Variants in STXBP6 observed in about 807,000 individuals in gnomAD.
STXBP6 encodes the protein syntaxin-binding protein 6.
Under a neutral mutation model 26.9 loss-of-function variants are expected in STXBP6, and 21 were observed. That is an observed-to-expected ratio of 0.78 (90% CI 0.55 to 1.12). STXBP6 has a LOEUF of 1.12. Ranked by LOEUF, STXBP6 falls within the 50% of genes most tolerant of loss-of-function variation. STXBP6 has a pLI of 0.00. For missense variants in STXBP6, 232 were observed against 257.9 expected (o/e 0.90, Z 0.69); for synonymous variants, 97 against 92.6 (o/e 1.05, Z -0.27).
At chr14:24,980,858 G>GA (rs909008024) in intron 1 of STXBP6, among the ~76,000 whole-genome samples, 9 of 151,790 alleles carry the variant, frequency 5.9e-5, no homozygotes, top group African/African-American at 9.7e-5. Flanking sequence ...TTGAAGATAG[G>GA]AAAAAAAATA....
intron 2 of STXBP6, among the ~76,000 whole-genome samples, chr14:24,945,682 T>G (rs1359330144): frequency 6.6e-6 from 1 of 152,198 alleles, no homozygotes; most frequent in Admixed American, 6.5e-5. Context: ...TTGAAGGAAT[T>G]TCCTGTGTTG....
intron 4 of STXBP6, among the ~76,000 whole-genome samples, chr14:24,820,941 A>C (rs1313123340): frequency 6.6e-6 from 1 of 152,234 alleles, no homozygotes; most frequent in African/African-American, 2.4e-5. Context: ...GCAGACTAGC[A>C]TACAGATAGG....
chr14:24,944,515 C>A (rs535354806), intron 2 of STXBP6, among the ~76,000 whole-genome samples: 4 of 152,054 alleles, frequency 2.6e-5, no homozygotes, highest in Non-Finnish European at 5.9e-5. Context: ...AGTGAAAATG[C>A]GACTGCCTCA....
intron 2 of STXBP6, among the ~76,000 whole-genome samples, chr14:24,931,131 AAAAAAAAAAAAC>A (rs1177376070): frequency 2.2e-5 from 3 of 139,266 alleles, no homozygotes; most frequent in African/African-American, 5.5e-5. Flanking sequence ...AAAAAAAAAA[AAAAAAAAAAAAC>A]CCAAACACCA....
intron 4 of STXBP6, among the ~76,000 whole-genome samples, chr14:24,827,240 T>C (rs935584701): frequency 1.3e-5 from 2 of 152,168 alleles, no homozygotes; most frequent in African/African-American, 4.8e-5. Flanking sequence ...AAAGTACTTA[T>C]TTTTCATATG....
chr14:24,983,592 C>T lies in STXBP6; in HGVS notation c.-32-8742G>A, dbSNP rs184517297. ...TGCATAGTAGGTCAGTTGTTTTCCC[C>T]TTAGAGGAGGGTATGATTGATAACA... is the stretch of plus-strand genomic sequence containing the variant. On this transcript the variant is annotated intron_variant, in intron 1 of 5. Coordinates refer to ENST00000323944, the MANE Select transcript of STXBP6 (RefSeq NM_001394410.1). 2.6e-4 allele frequency among the ~76,000 whole-genome samples: 40 copies of T among 152,164 alleles called. 2 individuals are homozygous for T. In the East Asian group the frequency reaches 7.2e-3, roughly 27 times the overall value.
chr14:24,937,215 CACCATGGCACATGTAT>C (rs2072632467), intron 2 of STXBP6, among the ~76,000 whole-genome samples: 1 of 152,168 alleles, frequency 6.6e-6, no homozygotes, highest in Admixed American at 6.5e-5. Context: ...TGCAGCAAAC[CACCATGGCACATGTAT>C]ACCCATGTAA....
At chr14:24,893,208 A>C (rs1274738773) in intron 2 of STXBP6, among the ~76,000 whole-genome samples, 1 of 152,244 alleles carries the variant, frequency 6.6e-6, no homozygotes, top group East Asian at 1.9e-4. Context: ...CGTATGAACA[A>C]TACAGCTCTA....
At chr14:24,919,964 C>A (rs1370501977) in intron 2 of STXBP6, among the ~76,000 whole-genome samples, 1 of 151,798 alleles carries the variant, frequency 6.6e-6, no homozygotes, top group Non-Finnish European at 1.5e-5. Context: ...TGTGCTCTTG[C>A]GAAGAATGTA....
chr14:24,979,614 C>T (rs1056196459), intron 1 of STXBP6, among the ~76,000 whole-genome samples: 3 of 152,134 alleles, frequency 2.0e-5, no homozygotes, highest in African/African-American at 7.2e-5. Flanking sequence ...ATCATGCATC[C>T]AACTCAGAGT....
intron 2 of STXBP6, among the ~76,000 whole-genome samples, chr14:24,924,686 T>A (rs1336536012): frequency 6.6e-6 from 1 of 152,158 alleles, no homozygotes; most frequent in East Asian, 1.9e-4. Context: ...TCCTGTTACA[T>A]TCACCATTGT....
chr14:24,875,730 T>C (rs1383059575), intron 2 of STXBP6, among the ~76,000 whole-genome samples: 2 of 152,202 alleles, frequency 1.3e-5, no homozygotes, highest in Non-Finnish European at 2.9e-5. Flanking sequence ...TGACTATTCT[T>C]CTGGAAAAAT....
At chr14:25,014,016 A>G (rs1366173029) in intron 1 of STXBP6, among the ~76,000 whole-genome samples, 1 of 152,210 alleles carries the variant, frequency 6.6e-6, no homozygotes, top group East Asian at 1.9e-4. Flanking sequence ...AATATTTACT[A>G]ATAAAATAAT....
At chr14:24,964,869 A>G in intron 2 of STXBP6, among the ~76,000 whole-genome samples, 1 of 152,160 alleles carries the variant, frequency 6.6e-6, no homozygotes, top group Non-Finnish European at 1.5e-5. Context: ...CAGTAAAGAT[A>G]GGTGTAGGAA....
intron 2 of STXBP6, among the ~76,000 whole-genome samples, chr14:24,888,569 A>T (rs2070671761): frequency 6.6e-6 from 1 of 152,096 alleles, no homozygotes; most frequent in Admixed American, 6.5e-5. Context: ...TAAAAAATAC[A>T]AAAATTAGCT....
At chr14:24,841,996 T>C (rs1474334090) in intron 4 of STXBP6, among the ~76,000 whole-genome samples, 1 of 152,316 alleles carries the variant, frequency 6.6e-6, no homozygotes, top group South Asian at 2.1e-4. Flanking sequence ...CTTCTCCTCA[T>C]TGCCTTGACC....
At chr14:24,963,199 T>C (rs531164729) in intron 2 of STXBP6, among the ~76,000 whole-genome samples, 27 of 152,302 alleles carry the variant, frequency 1.8e-4, no homozygotes, top group Non-Finnish European at 3.1e-4. Flanking sequence ...CAGTTGACTC[T>C]GACCTGTCCA....
chr14:24,928,342 C>CA (rs1442740422), intron 2 of STXBP6, among the ~76,000 whole-genome samples: 1 of 151,744 alleles, frequency 6.6e-6, no homozygotes, highest in African/African-American at 2.4e-5. Context: ...TACCCCCTGT[C>CA]AATGTTTCTA....
At chr14:24,985,912 G>T (rs747229199) in intron 1 of STXBP6, among the ~76,000 whole-genome samples, 4 of 152,182 alleles carry the variant, frequency 2.6e-5, no homozygotes, top group Non-Finnish European at 5.9e-5. Flanking sequence ...AGTCCAGAGG[G>T]TGATTCCAAA....
Sources: gnomAD v4.1 joint callset for allele counts (sites outside exome capture counted in the v4.1 genomes callset) on GRCh38, gnomAD v4.1.1 for gene constraint, MANE v1.5 for transcripts, NCBI Gene and HGNC (gene_info 2026-07-23, HGNC 2026-07-21) for gene names.